The following PLCG2 variants were observed in gnomAD, a reference collection of about 807,000 sequenced individuals.
PLCG2 encodes the protein 1-phosphatidylinositol 4,5-bisphosphate phosphodiesterase gamma-2.
In PLCG2, 69 loss-of-function variants were observed where a neutral mutation model predicts 175.6. That is an observed-to-expected ratio of 0.39 (90% CI 0.32 to 0.48). The LOEUF is 0.48. Ranked by LOEUF, PLCG2 falls within the 20% of genes least tolerant of loss-of-function variation. The pLI is 0.91. For synonymous variants in PLCG2, 827 were observed against 624.0 expected, an observed-to-expected ratio of 1.33 and a Z score of -4.85; for missense variants, 1,798 against 1,650.9, an observed-to-expected ratio of 1.09 and a Z score of -1.54.
chr16:81,775,904 A>T (rs575242566), upstream of PLCG2, among the ~76,000 whole-genome samples: 351 of 151,718 alleles, frequency 2.3e-3, 2 homozygotes, highest in Non-Finnish European at 2.5e-3. Context: ...CCTCTTATTA[A>T]TCTGGGGATG....
At position 81,946,310 on chromosome 16, in the gene PLCG2, G is replaced by A. The variant is rs778935564; in HGVS notation, c.3570+47G>A. On this transcript the variant is annotated intron_variant, in intron 31 of 32. Coordinates refer to ENST00000564138, the MANE Select transcript of PLCG2 (RefSeq NM_002661.5). ...AAGGGTTCCCTGAGCTATGCCTGCT[G>A]GTGAGGGTAGAAACGGCCCGTGAAT... The A allele has an allele frequency of 1.1e-5, 16 of 1,396,224 alleles. No homozygotes were observed. In the South Asian group the frequency reaches 1.7e-4, roughly 15 times the overall value. 86.5% of individuals were successfully genotyped at this position (1,396,224 alleles called of 1,614,324 possible).
intron 1 of PLCG2, among the ~76,000 whole-genome samples, chr16:81,743,117 A>G (rs1038442207): frequency 6.6e-6 from 1 of 152,200 alleles, no homozygotes; most frequent in African/African-American, 2.4e-5. Context: ...CCTGGGCAAC[A>G]TAGTGAGTCT....
At chr16:81,787,677 G>T (rs4288988) in intron 2 of PLCG2, among the ~76,000 whole-genome samples, 119,248 of 151,910 alleles carry the variant, frequency 0.78, 46,952 homozygotes, top group East Asian at 0.98. Flanking sequence ...ATCAAAAGTA[G>T]AACCTTTATA....
intron 30 of PLCG2, among the ~76,000 whole-genome samples, chr16:81,944,466 G>GAATT (rs1911072963): frequency 1.3e-5 from 2 of 152,200 alleles, no homozygotes; most frequent in Admixed American, 6.5e-5. Flanking sequence ...CTACGCCACT[G>GAATT]AATTAATTAT....
At chr16:81,841,611 A>G (rs925894106) in intron 2 of PLCG2, among the ~76,000 whole-genome samples, 2 of 152,156 alleles carry the variant, frequency 1.3e-5, no homozygotes, top group African/African-American at 4.8e-5. Context: ...TTTCCATTTC[A>G]TAGATGAGAA....
chr16:81,890,671 C>A (rs1310316620), intron 10 of PLCG2, among the ~76,000 whole-genome samples: 3 of 152,124 alleles, frequency 2.0e-5, no homozygotes, highest in Admixed American at 6.5e-5. Flanking sequence ...GGAGGTGGAA[C>A]TGGGGAGCGA....
At chr16:81,771,648 G>A (rs905118711) in intron 2 of PLCG2, among the ~76,000 whole-genome samples, 16 of 152,032 alleles carry the variant, frequency 1.1e-4, no homozygotes, top group African/African-American at 3.9e-4. Flanking sequence ...GCCTAATATA[G>A]GGTACAGTGG....
intron 1 of PLCG2, among the ~76,000 whole-genome samples, chr16:81,751,200 C>G (rs996533296): frequency 3.3e-5 from 5 of 151,822 alleles, no homozygotes; most frequent in Admixed American, 6.6e-5. Flanking sequence ...AGGCTGGTCT[C>G]AAACTCCTGA....
In PLCG2 at chr16:81,891,452, T is replaced by A; in HGVS notation, c.868-20T>A. 1.5e-6 allele frequency: 2 copies of A among 1,306,472 alleles called. No individual in the cohort carries two copies. Among genetic ancestry groups the A allele is most frequent in the South Asian group, 2.4e-5 (2 of 84,944 alleles). The allele number at this position is 1,306,472 out of a possible 1,614,324, so 80.9% of individuals were successfully genotyped here. On this transcript the variant is annotated intron_variant, in intron 10 of 32. Coordinates refer to ENST00000564138, the MANE Select transcript of PLCG2 (RefSeq NM_002661.5). The stretch of plus-strand genomic sequence containing the variant: ...TGCCCGTCAACGTGATGATTCGGTC[T>A]TCGTGTTTGACTCTTTTAGTTCCTC...
chr16:81,808,752 C>G (rs1486402669), intron 2 of PLCG2, among the ~76,000 whole-genome samples: 1 of 152,182 alleles, frequency 6.6e-6, no homozygotes, highest in Non-Finnish European at 1.5e-5. Flanking sequence ...CTCTGCCTCC[C>G]AAAGTGCTGG....
intron 2 of PLCG2, among the ~76,000 whole-genome samples, chr16:81,834,486 A>T (rs910385609): frequency 6.6e-6 from 1 of 152,108 alleles, no homozygotes; most frequent in African/African-American, 2.4e-5. Context: ...CCCTTCTGCA[A>T]AATGGAGTTG....
chr16:81,915,294 C>G (rs1315914617), intron 19 of PLCG2, among the ~76,000 whole-genome samples: 1 of 152,216 alleles, frequency 6.6e-6, no homozygotes, highest in Non-Finnish European at 1.5e-5. Context: ...GTGCCAGGCA[C>G]TGTTCTGGGC....
intron 11 of PLCG2, 75 bp from the exon 12 acceptor site, chr16:81,893,634 A>T: frequency 1.2e-6 from 1 of 857,062 alleles, no homozygotes; most frequent in South Asian, 1.3e-5. Context: ...CCCCCACAAC[A>T]CCCTGAGGTG....
intron 2 of PLCG2, among the ~76,000 whole-genome samples, chr16:81,792,527 A>C (rs1911286342): frequency 6.6e-6 from 1 of 151,634 alleles, no homozygotes; most frequent in Non-Finnish European, 1.5e-5. Flanking sequence ...AACAAAACAA[A>C]AACAAGCAAA....
intron 2 of PLCG2, among the ~76,000 whole-genome samples, chr16:81,817,208 C>T (rs1904591817): frequency 6.6e-6 from 1 of 152,032 alleles, no homozygotes; most frequent in Non-Finnish European, 1.5e-5. Context: ...CTCTGAGGAG[C>T]TGATATTTAG....
chr16:81,852,538 G>C (rs1906471185), intron 2 of PLCG2, among the ~76,000 whole-genome samples: 1 of 152,122 alleles, frequency 6.6e-6, no homozygotes, highest in Non-Finnish European at 1.5e-5. Flanking sequence ...TCATCTTGTA[G>C]GGGGAAGGAG....
At chr16:81,864,127 C>T (rs888957232) in intron 5 of PLCG2, among the ~76,000 whole-genome samples, 3 of 152,080 alleles carry the variant, frequency 2.0e-5, no homozygotes, top group Non-Finnish European at 4.4e-5. Flanking sequence ...CACCGGAATC[C>T]CCTGGAGGAT....
At chr16:81,946,295 T>A (rs892556036) in intron 31 of PLCG2, 32 bp downstream of exon 31, 2 of 1,507,092 alleles carry the variant, frequency 1.3e-6, no homozygotes, top group Admixed American at 1.7e-5. Flanking sequence ...AAGGGTTCCC[T>A]GAGCTATGCC....
intron 2 of PLCG2, among the ~76,000 whole-genome samples, chr16:81,757,782 A>G (rs532293108): frequency 6.6e-6 from 1 of 151,862 alleles, no homozygotes; most frequent in East Asian, 1.9e-4. Flanking sequence ...TCACCCCCAA[A>G]CAGAAACCCA....
Sources: gnomAD v4.1 joint callset for allele counts (sites outside exome capture counted in the v4.1 genomes callset) on GRCh38, gnomAD v4.1.1 for gene constraint, MANE v1.5 for transcripts, NCBI Gene and HGNC (gene_info 2026-07-23, HGNC 2026-07-21) for gene names.